The following SHANK1 variants were observed in gnomAD, a reference collection of about 807,000 sequenced individuals.
SHANK1 encodes SH3 and multiple ankyrin repeat domains protein 1.
Under a neutral mutation model 165.6 loss-of-function variants are expected in SHANK1, and 35 were observed. That is an observed-to-expected ratio of 0.21 (90% CI 0.16 to 0.28). The LOEUF is 0.28. Among genes scored for constraint, SHANK1 ranks in the 10% least tolerant of loss-of-function variants. The pLI is 1.00. For missense variants in SHANK1, 2,681 were observed against 3,036.4 expected, an observed-to-expected ratio of 0.88 and a Z score of 2.75; for synonymous variants, 1,428 against 1,384.8, an observed-to-expected ratio of 1.03 and a Z score of -0.69.
At position 50,717,153 on chromosome 19, in the gene SHANK1, CCT is replaced by C. The variant is rs546573331; in HGVS notation, c.-43-193_-43-192del. ...CCTCCCACGCTGGCACGCACACACCCCTGTCCCTGACATGCTTCTGGCATGTG... is the reference window on the plus strand; with the variant it reads ...CCTCCCACGCTGGCACGCACACACCCGTCCCTGACATGCTTCTGGCATGTG... On this transcript the variant is annotated intron_variant, in intron 1 of 23. Coordinates refer to ENST00000293441, the MANE Select transcript of SHANK1 (RefSeq NM_016148.5). This position sits in a 1 kb window ranked among gnomAD's most constrained non-coding sequence, Gnocchi z 5.5. 2.4e-3 allele frequency among the ~76,000 whole-genome samples: 365 copies of C among 152,318 alleles called. 6 individuals are homozygous for C. The highest frequency in any genetic ancestry group is 3.2e-3 in the Non-Finnish European group (217 of 68,020).
chr19:50,668,738 G>A lies in SHANK1; in HGVS notation c.3222C>T (p.Gly1074=), dbSNP rs781733197. The A allele has an allele frequency of 2.0e-5, 26 of 1,274,976 alleles. No individual in the cohort carries two copies. Among genetic ancestry groups the A allele is most frequent in the Middle Eastern group, 5.9e-4 (2 of 3,376 alleles). The allele number at this position is 1,274,976 out of a possible 1,614,324, so 79.0% of individuals were successfully genotyped here. The part of the protein sequence containing the change: ...PSHHGSAGGG[G]GSSQGPALRY... The stretch of plus-strand genomic sequence containing the variant: ...GTAGAGCCGGGCCCTGGGAGGAGCC[G>A]CCGCCCCCGCCCGCGCTGCCGTGGT... Residue 1074 remains glycine (G), a synonymous_variant, in exon 23 of 24, where the codon GGC becomes GGT. Transcript: ENST00000293441.
At chr19:50,673,259 C>T (rs1237038492) in intron 21 of SHANK1, among the ~76,000 whole-genome samples, 1 of 152,194 alleles carries the variant, frequency 6.6e-6, no homozygotes, top group East Asian at 1.9e-4. Context: ...GTAGCAAACC[C>T]TTGGTACAGG....
chr19:50,666,518 AC>A lies in SHANK1; in HGVS notation c.5441del (p.Gly1814ValfsTer5). On this transcript the variant is annotated frameshift_variant, in exon 23 of 24. Coordinates refer to ENST00000293441, the MANE Select transcript of SHANK1 (RefSeq NM_016148.5). LOFTEE classifies it high-confidence loss of function. ...SGPPTAGVAG[G>X]PVAVEPEVPP... Reference sequence around the variant, plus strand: ...GGACTTCTGGCTCTACAGCCACCGGACCCCCCGCCACGCCTGCCGTGGGGGG... The same window carrying A: ...GGACTTCTGGCTCTACAGCCACCGGACCCCCGCCACGCCTGCCGTGGGGGG... 6.4e-7 allele frequency: 1 copy of A among 1,573,788 alleles called. No individual in the cohort carries two copies.
rs184892048 is a variant in SHANK1 at position 50,683,719 on chromosome 19, C to G, written c.2577+2518G>C. ...AAATGAGAAGGCACCCTCGTTCAGC[C>G]TCGTCTGGGAACCCACACATAGGGC... On this transcript the variant is annotated intron_variant, in intron 21 of 23. Coordinates refer to ENST00000293441, the MANE Select transcript of SHANK1 (RefSeq NM_016148.5). Among the ~76,000 whole-genome samples the G allele has an allele frequency of 9.8e-5, 15 of 152,286 alleles. No individual in the cohort carries two copies. In the East Asian group the frequency reaches 2.9e-3, roughly 29 times the overall value.
chr19:50,677,282 C>A (rs1410818323), intron 21 of SHANK1, among the ~76,000 whole-genome samples: 1 of 152,044 alleles, frequency 6.6e-6, no homozygotes, highest in African/African-American at 2.4e-5. Context: ...TTCCCACCAC[C>A]ACACCCAGCT....
chr19:50,704,814 T>A (rs1044052891), intron 8 of SHANK1, among the ~76,000 whole-genome samples: 1 of 152,018 alleles, frequency 6.6e-6, no homozygotes, highest in African/African-American at 2.4e-5. Context: ...AAGCCTGTAA[T>A]CCTAAGACTG....
intron 21 of SHANK1, among the ~76,000 whole-genome samples, chr19:50,682,315 A>G (rs1412098646): frequency 6.6e-6 from 1 of 151,994 alleles, no homozygotes; most frequent in Non-Finnish European, 1.5e-5. Context: ...TGGCCTCCCA[A>G]AGTGCTGGGA....
At chr19:50,680,414 G>A (rs1358205578) in intron 21 of SHANK1, among the ~76,000 whole-genome samples, 1 of 152,092 alleles carries the variant, frequency 6.6e-6, no homozygotes, top group East Asian at 1.9e-4. Context: ...GAGGGGGCAC[G>A]AGGGAGCCCT....
rs1266969382 is a variant in SHANK1 at position 50,716,044 on chromosome 19, A to C, written c.459+231T>G. Among the ~76,000 whole-genome samples, 1 of 152,200 alleles carries C rather than the reference A, an allele frequency of 6.6e-6. No individual in the cohort carries two copies. Among genetic ancestry groups the C allele is most frequent in the African/African-American group, 2.4e-5 (1 of 41,448 alleles). ...CTCCCCCAATTTGATGGGTGAGGAG[A>C]AGCTTGGGGCAGGAAAGTGACTTGG... On this transcript the variant is annotated intron_variant, in intron 3 of 23. Coordinates refer to ENST00000293441, the MANE Select transcript of SHANK1 (RefSeq NM_016148.5). The surrounding 1 kb of genome is among the most constrained non-coding windows in gnomAD (Gnocchi z 8.4).
In SHANK1 at chr19:50,704,629, C is replaced by T. The variant is rs1222376293; in HGVS notation, c.1078-115G>A. 4.3e-6 allele frequency: 4 copies of T among 938,556 alleles called. No homozygotes were observed. In the African/African-American group the frequency reaches 6.4e-5, roughly 15 times the overall value. 58.1% of individuals were successfully genotyped at this position (938,556 alleles called of 1,614,324 possible). On this transcript the variant is annotated intron_variant, in intron 8 of 23. Coordinates refer to ENST00000293441, the MANE Select transcript of SHANK1 (RefSeq NM_016148.5). ...CAGGAATAAATACTCCACCCTAAAC[C>T]CGCACCACTGAGGACAGCAGCCACC...
intron 8 of SHANK1, among the ~76,000 whole-genome samples, chr19:50,708,550 C>T (rs1311288854): frequency 6.6e-6 from 1 of 151,876 alleles, no homozygotes; most frequent in Non-Finnish European, 1.5e-5. Flanking sequence ...CTCACATCCC[C>T]AAGGCCTGGT....
At position 50,669,008 on chromosome 19, in the gene SHANK1, C is replaced by T. The variant is rs1985688650; in HGVS notation, c.2952G>A (p.Glu984=). The T allele has an allele frequency of 8.4e-6, 7 of 834,354 alleles. No homozygotes were observed. The highest frequency in any genetic ancestry group is 1.1e-5 in the Non-Finnish European group (6 of 555,688). The allele number at this position is 834,354 out of a possible 1,614,324, so 51.7% of individuals were successfully genotyped here. A position where few individuals can be genotyped will look rare whatever the true frequency, so the allele number is the denominator to read the frequency against. ...SPPDTRVGSR[E]KSLYHSGPLP... ...GGGGCCCACTGTGGTACAGGCTCTT[C>T]TCGCGGCTCCCCACGCGAGTGTCGG... Residue 984 remains glutamate (E), a synonymous_variant, in exon 23 of 24, where the codon GAG becomes GAA. Coordinates refer to ENST00000293441, the MANE Select transcript of SHANK1 (RefSeq NM_016148.5).
At position 50,667,606 on chromosome 19, in the gene SHANK1, C is replaced by T. The variant is rs1469441882; in HGVS notation, c.4354G>A (p.Ala1452Thr). The change falls in exon 23 of 24, where the codon GCT becomes ACT. Residue 1452 changes from alanine (A) to threonine (T), a missense_variant. Physicochemically the swap from Ala to Thr is moderately conservative, Grantham distance 58. This residue lies in a region of SHANK1 where 1,713 missense variants were observed against 1,630.2 expected (regional missense o/e 1.05). Coordinates refer to ENST00000293441, the MANE Select transcript of SHANK1 (RefSeq NM_016148.5). This position sits in a 1 kb window ranked among gnomAD's most constrained non-coding sequence, Gnocchi z 5.7. ...AGCAGGAGGGGCCCCACCCCGGGAG[C>T]GGTGGGCGGCAGGCGGTGTAGCAGG... ...RSLLHRLPPT[A>T]PGVGPLLLQL... 3.5e-6 allele frequency: 5 copies of T among 1,429,166 alleles called. No individual in the cohort carries two copies. Among genetic ancestry groups the T allele is most frequent in the East Asian group, 2.7e-5 (1 of 37,096 alleles). 88.5% of individuals were successfully genotyped at this position (1,429,166 alleles called of 1,614,324 possible). A position where few individuals can be genotyped will look rare whatever the true frequency, so the allele number is the denominator to read the frequency against.
intron 21 of SHANK1, among the ~76,000 whole-genome samples, chr19:50,676,718 C>A (rs1186120933): frequency 1.3e-5 from 2 of 152,180 alleles, no homozygotes; most frequent in Admixed American, 1.3e-4. Context: ...ATGCAGCCCA[C>A]CCCAATACTC....
chr19:50,707,876 TTTTTCTTTTCTTTTC>T (rs60019205), intron 8 of SHANK1, among the ~76,000 whole-genome samples: 4,618 of 94,276 alleles, frequency 0.049, 187 homozygotes, highest in East Asian at 0.15. Flanking sequence ...CTTTTGCGTG[TTTTTCTTTTCTTTTC>T]TTTTCTTTTC....
chr19:50,715,696 T>C lies in SHANK1; in HGVS notation c.494A>G (p.Asn165Ser). ...RYKTRVYKQT[N>S]LDEKQLAKLH... is the part of the protein sequence containing the mutation. Reference sequence around the variant, plus strand: ...CTTGGCCAGCTGCTTCTCATCCAGGTTGGTCTGTTTGTAAACTCGGGTCTT... The same window carrying C: ...CTTGGCCAGCTGCTTCTCATCCAGGCTGGTCTGTTTGTAAACTCGGGTCTT... Residue 165 changes from asparagine to serine, a missense_variant, in exon 4 of 24, where the codon AAC (asparagine) becomes AGC (serine). This residue lies in a region of SHANK1 where 189 missense variants were observed against 440.9 expected (regional missense o/e 0.43). Coordinates refer to ENST00000293441, the MANE Select transcript of SHANK1 (RefSeq NM_016148.5). 1.2e-6 allele frequency: 2 copies of C among 1,614,084 alleles called. No homozygotes were observed. Among genetic ancestry groups the C allele is most frequent in the South Asian group, 1.1e-5 (1 of 91,074 alleles).
chr19:50,700,050 T>TG (rs1986865044), intron 12 of SHANK1, among the ~76,000 whole-genome samples: 3 of 93,654 alleles, frequency 3.2e-5, no homozygotes, highest in Non-Finnish European at 2.2e-5. Context: ...CTCGGGGCAT[T>TG]GGAGGGTTGG....
At position 50,686,454 on chromosome 19, in the gene SHANK1, G is replaced by A. The variant is rs528266296; in HGVS notation, c.2459-99C>T. Reference sequence around the variant, plus strand: ...AGAGCTGCCGCCCGCAGTTCATCCAGCACCTGGATCAACCAGGAAAGGGCA... The same window carrying A: ...AGAGCTGCCGCCCGCAGTTCATCCAACACCTGGATCAACCAGGAAAGGGCA... On this transcript the variant is annotated intron_variant, in intron 20 of 23. Transcript: ENST00000293441. The surrounding 1 kb of genome is among the most constrained non-coding windows in gnomAD (Gnocchi z 5.7). 6.7e-6 allele frequency: 6 copies of A among 901,676 alleles called. No individual in the cohort carries two copies. In the South Asian group the frequency reaches 8.2e-5, roughly 12 times the overall value. The allele number at this position is 901,676 out of a possible 1,614,324, so 55.9% of individuals were successfully genotyped here.
chr19:50,686,293 G>A lies in SHANK1; in HGVS notation c.2521C>T (p.Pro841Ser), dbSNP rs749807103. The A allele has an allele frequency of 1.7e-5, 27 of 1,608,330 alleles. No homozygotes were observed. The highest frequency in any genetic ancestry group is 2.1e-5 in the Non-Finnish European group (25 of 1,176,956). Reference protein sequence around the residue: ...QTISASESPGPGGLASLGKHR... With the variant: ...QTISASESPGSGGLASLGKHR... Reference sequence around the variant, plus strand: ...TTGCCCAGGGACGCGAGGCCACCGGGACCAGGGCTTTCGCTTGCACTGATG... The same window carrying A: ...TTGCCCAGGGACGCGAGGCCACCGGAACCAGGGCTTTCGCTTGCACTGATG... The change falls in exon 21 of 24, where the codon CCC becomes TCC. Residue 841 changes from proline to serine, a missense_variant. Pro to Ser is a moderately conservative substitution (Grantham distance 74, BLOSUM62 -1). This residue lies in a region of SHANK1 where 206 missense variants were observed against 216.0 expected (regional missense o/e 0.95). Coordinates refer to ENST00000293441, the MANE Select transcript of SHANK1 (RefSeq NM_016148.5). The surrounding 1 kb of genome is among the most constrained non-coding windows in gnomAD (Gnocchi z 5.7).
Sources: gnomAD v4.1 joint callset for allele counts (sites outside exome capture counted in the v4.1 genomes callset) on GRCh38, gnomAD v4.1.1 for gene constraint, gnomAD v4.1.1 regional missense constraint, Gnocchi (gnomAD v3.1) non-coding constraint, MANE v1.5 for transcripts, NCBI Gene and HGNC (gene_info 2026-07-23, HGNC 2026-07-21) for gene names.